HEATR4: variants seen among roughly 807,000 people sequenced by gnomAD.
The protein encoded by HEATR4 is HEAT repeat containing 4.
Under a neutral mutation model 108.8 loss-of-function variants are expected in HEATR4, and 95 were observed. That is an observed-to-expected ratio of 0.87 (90% CI 0.74 to 1.04). The LOEUF (loss-of-function observed/expected upper bound fraction) is 1.04, where lower values mean the gene tolerates loss of function less well. HEATR4 is among the 50% of genes least tolerant of loss of function. The pLI, the probability that HEATR4 is intolerant of heterozygous loss-of-function variation, is 0.00. For missense variants in HEATR4, 1,152 were observed against 1,253.8 expected (o/e 0.92, Z 1.23); for synonymous variants, 443 against 459.4 (o/e 0.96, Z 0.46).
At position 73,495,335 on chromosome 14, in the gene HEATR4, T is replaced by A; in HGVS notation, c.2678A>T (p.Glu893Val). 1 of 1,613,994 alleles carries A rather than the reference T, an allele frequency of 6.2e-7. No homozygotes were observed. Among genetic ancestry groups the A allele is most frequent in the Non-Finnish European group, 8.5e-7 (1 of 1,179,906 alleles). The change falls in exon 16 of 18, where the codon GAG becomes GTG. Residue 893 changes from glutamate (E) to valine (V), a missense_variant. Transcript: ENST00000553558. ...CTCCCTCACTTTTCCCATGACCATC[T>A]CCAGCTTGAGTATTTTGTGTGTCAG... is the stretch of plus-strand genomic sequence containing the variant. Reference protein sequence around the residue: ...DLLTHKILKLEMVMGKVREEA... With the variant: ...DLLTHKILKLVMVMGKVREEA...
chr14:73,605,273 C>A, the HEATR4 span, among the ~76,000 whole-genome samples: 1 of 152,044 alleles, frequency 6.6e-6, no homozygotes, highest in Non-Finnish European at 1.5e-5. Flanking sequence ...TCTAGCCATG[C>A]AAGATTGAAA....
intron 1 of HEATR4, among the ~76,000 whole-genome samples, chr14:73,534,491 G>A (rs1348113387): frequency 8.9e-6 from 1 of 112,970 alleles, no homozygotes; most frequent in Non-Finnish European, 1.9e-5. Context: ...CCAGGAGTTC[G>A]AGACCAGGCA....
chr14:73,509,196 AAACCC>A, intron 8 of HEATR4, 111 bp downstream of exon 8: 1 of 1,039,046 alleles, frequency 9.6e-7, no homozygotes, highest in Middle Eastern at 2.3e-4. Context: ...ACATAAATCT[AAACCC>A]AATACAGCAG....
At chr14:73,569,763 G>A in the HEATR4 span, 1 of 1,607,920 alleles carries the variant, frequency 6.2e-7, no homozygotes, top group South Asian at 1.1e-5. Context: ...GGATGGCCAC[G>A]ACCCCGACCC....
the HEATR4 span, among the ~76,000 whole-genome samples, chr14:73,604,981 G>C: frequency 6.6e-6 from 1 of 152,140 alleles, no homozygotes; most frequent in Non-Finnish European, 1.5e-5. Flanking sequence ...ACAGGGTCTT[G>C]TGGCACCTCC....
chr14:73,617,061 C>A, the HEATR4 span: 7 of 1,338,448 alleles, frequency 5.2e-6, no homozygotes, highest in South Asian at 4.7e-5. Context: ...CAGGGCCAGC[C>A]TCCTGGCCGG....
At chr14:73,595,529 C>T in the HEATR4 span, 23 of 1,612,612 alleles carry the variant, frequency 1.4e-5, no homozygotes, top group South Asian at 2.4e-4. Context: ...ACTGAACAAA[C>T]ATGTTATATG....
At chr14:73,481,042 G>GAAAC (rs1885234424) in intron 17 of HEATR4, 1 of 151,776 alleles carries the variant, frequency 6.6e-6, no homozygotes, top group Non-Finnish European at 1.5e-5. Flanking sequence ...AAGAAAGAAA[G>GAAAC]AAATGAGCTG....
At chr14:73,576,942 T>TTTC in the HEATR4 span, among the ~76,000 whole-genome samples, 1 of 146,028 alleles carries the variant, frequency 6.8e-6, no homozygotes, top group African/African-American at 2.5e-5. Context: ...CTTTTTTTTT[T>TTTC]TTTTTTGAGA....
At chr14:73,614,746 C>CAAAA in the HEATR4 span, among the ~76,000 whole-genome samples, 1 of 113,034 alleles carries the variant, frequency 8.8e-6, no homozygotes, top group Non-Finnish European at 1.8e-5. Context: ...GACCCTGTCT[C>CAAAA]AAAAAAAAAA....
chr14:73,509,572 G>T, intron 7 of HEATR4, 99 bp from the exon 8 acceptor site: 2 of 1,170,040 alleles, frequency 1.7e-6, no homozygotes, highest in Non-Finnish European at 2.5e-6. Context: ...CTCAGTCCCA[G>T]CTGCAGTTGC....
Position 73,533,405 on chromosome 14 carries a change from G to A in HEATR4, c.-151-3161C>T, listed in dbSNP as rs1297480409. Among the ~76,000 whole-genome samples the A allele has an allele frequency of 8.6e-5, 10 of 116,016 alleles. 3 individuals carry two copies. Among genetic ancestry groups the A allele is most frequent in the Non-Finnish European group, 1.1e-4 (6 of 53,086 alleles). 76.1% of individuals were successfully genotyped at this position (116,016 alleles called of 152,430 possible). A position where few individuals can be genotyped will look rare whatever the true frequency, so the allele number is the denominator to read the frequency against. On this transcript the variant is annotated intron_variant, in intron 1 of 17. Coordinates refer to ENST00000553558, the MANE Select transcript of HEATR4 (RefSeq NM_001220484.1). Reference sequence around the variant, plus strand: ...TAAAAAGGAATGAAATGGGCCAGGCGTGGTGGCTCAGGCCTGTAATCCCAG... The same window carrying A: ...TAAAAAGGAATGAAATGGGCCAGGCATGGTGGCTCAGGCCTGTAATCCCAG...
chr14:73,592,088 C>A, the HEATR4 span: 11 of 1,489,718 alleles, frequency 7.4e-6, no homozygotes, highest in South Asian at 7.9e-5. Flanking sequence ...ACGAGAAGGG[C>A]GCGCTCTTCC....
At chr14:73,615,999 C>T in the HEATR4 span, among the ~76,000 whole-genome samples, 1 of 152,100 alleles carries the variant, frequency 6.6e-6, no homozygotes, top group Non-Finnish European at 1.5e-5. Flanking sequence ...TTCAAGGTTA[C>T]AGTGATCTAC....
chr14:73,609,765 C>T, the HEATR4 span, among the ~76,000 whole-genome samples: 3 of 151,650 alleles, frequency 2.0e-5, no homozygotes, highest in Non-Finnish European at 4.4e-5. Flanking sequence ...CTCAGCCTCC[C>T]GAGTAGCTGG....
At chr14:73,621,910 T>C in the HEATR4 span, among the ~76,000 whole-genome samples, 1 of 151,822 alleles carries the variant, frequency 6.6e-6, no homozygotes, top group Non-Finnish European at 1.5e-5. Context: ...ACTACAGGCA[T>C]GCACCACCAA....
the HEATR4 span, chr14:73,569,726 G>A: frequency 3.7e-6 from 6 of 1,609,228 alleles, no homozygotes; most frequent in East Asian, 2.2e-5. Flanking sequence ...ACGTGCGAAC[G>A]CCCTTGGCCG....
At chr14:73,592,029 C>T in the HEATR4 span, 6 of 1,447,528 alleles carry the variant, frequency 4.1e-6, no homozygotes, top group South Asian at 1.4e-5. Context: ...CATTGCCGTG[C>T]GCGGCCTGGC....
Position 73,492,904 on chromosome 14 carries a change from G to A in HEATR4, c.2844+162C>T. ...CCTTGGCAACCACGTTGTATGATAA[G>A]GGGCTGCTGCTCACTAAGATGCCTC... On this transcript the variant is annotated intron_variant, in intron 17 of 17. Transcript: ENST00000553558. The surrounding 1 kb of genome is among the most constrained non-coding windows in gnomAD (Gnocchi z 4.9). 6.2e-7 allele frequency: 1 copy of A among 1,613,836 alleles called. No homozygotes were observed. The highest frequency in any genetic ancestry group is 1.6e-4 in the Middle Eastern group (1 of 6,062).
Sources: gnomAD v4.1 joint callset for allele counts (sites outside exome capture counted in the v4.1 genomes callset) on GRCh38, gnomAD v4.1.1 for gene constraint, Gnocchi (gnomAD v3.1) non-coding constraint, MANE v1.5 for transcripts, NCBI Gene and HGNC (gene_info 2026-07-23, HGNC 2026-07-21) for gene names.